SH3BGRL: variants seen among roughly 807,000 people sequenced by gnomAD.
SH3BGRL encodes adapter SH3BGRL.
In SH3BGRL, 7 loss-of-function variants were observed where a neutral mutation model predicts 9.8. The observed-to-expected ratio is 0.72, with a 90% CI of 0.41 to 1.35. The LOEUF is 1.35. Ranked by LOEUF, SH3BGRL falls within the 40% of genes most tolerant of loss-of-function variation. The pLI, the probability that SH3BGRL is intolerant of heterozygous loss-of-function variation, is 0.01. For synonymous variants in SH3BGRL, 36 were observed against 29.1 expected, an observed-to-expected ratio of 1.24 and a Z score of -0.76; for missense variants, 73 against 84.4, an observed-to-expected ratio of 0.86 and a Z score of 0.53.
At chrX:81,265,818 C>T (rs752259480) in intron 1 of SH3BGRL, among the ~76,000 whole-genome samples, 1 of 112,185 alleles carries the variant, frequency 8.9e-6, no homozygotes, top group South Asian at 3.7e-4. Context: ...AATTTACACT[C>T]CCACCAACAG....
At chrX:81,213,296 A>G (rs1487430298) in intron 1 of SH3BGRL, among the ~76,000 whole-genome samples, 1 of 112,278 alleles carries the variant, frequency 8.9e-6, no homozygotes, top group Non-Finnish European at 1.9e-5. Context: ...ACAAAGTACC[A>G]CCACTTGATG....
chrX:81,228,312 A>G (rs1052377185), intron 1 of SH3BGRL, among the ~76,000 whole-genome samples: 2 of 111,874 alleles, frequency 1.8e-5, no homozygotes, highest in Admixed American at 9.5e-5. Flanking sequence ...AGGCAGAACA[A>G]CTGGAAGCAG....
chrX:81,245,456 C>A (rs962090068), intron 1 of SH3BGRL, among the ~76,000 whole-genome samples: 5 of 111,556 alleles, frequency 4.5e-5, no homozygotes, highest in African/African-American at 9.8e-5. Flanking sequence ...AATGGTTTGG[C>A]GAGCTTGCTT....
At chrX:81,273,451 G>T (rs1276507117) in intron 1 of SH3BGRL, among the ~76,000 whole-genome samples, 4 of 112,100 alleles carry the variant, frequency 3.6e-5, no homozygotes, top group African/African-American at 9.7e-5. Context: ...TCTTTAGCTA[G>T]TTTAGAGAGT....
intron 1 of SH3BGRL, among the ~76,000 whole-genome samples, chrX:81,242,497 G>A (rs1270874212): frequency 8.9e-6 from 1 of 112,110 alleles, no homozygotes; most frequent in East Asian, 2.8e-4. Context: ...AAACTCTTTA[G>A]GATATTGGTC....
intron 1 of SH3BGRL, among the ~76,000 whole-genome samples, chrX:81,258,023 T>G (rs1389138766): frequency 2.7e-5 from 3 of 111,784 alleles, no homozygotes; most frequent in Non-Finnish European, 5.6e-5. Context: ...TACTCATGCC[T>G]GCTGTCTCAA....
At chrX:81,248,976 G>A (rs999943026) in intron 1 of SH3BGRL, among the ~76,000 whole-genome samples, 1 of 111,739 alleles carries the variant, frequency 8.9e-6, no homozygotes, top group Non-Finnish European at 1.9e-5. Context: ...CTTCTCCCAA[G>A]GATCTGGGAT....
chrX:81,232,870 T>C lies in SH3BGRL; in HGVS notation c.45+30625T>C, dbSNP rs182565927. Among the ~76,000 whole-genome samples the C allele has an allele frequency of 2.7e-3, 302 of 111,800 alleles. 2 individuals carry two copies. The highest frequency in any genetic ancestry group is 4.1e-3 in the Non-Finnish European group (217 of 52,985). On this transcript the variant is annotated intron_variant, in intron 1 of 3. Coordinates refer to ENST00000373212, the MANE Select transcript of SH3BGRL (RefSeq NM_003022.3). ...TTGGCCCTGTCAGATCATGTCTTTA[T>C]TTAAACTTTTGATATTTTATTCTTT...
chrX:81,225,442 A>G (rs377267825), intron 1 of SH3BGRL, among the ~76,000 whole-genome samples: 3 of 110,594 alleles, frequency 2.7e-5, no homozygotes, highest in Admixed American at 9.6e-5. Context: ...TCCATTGCCT[A>G]TTATTTAACT....
chrX:81,254,672 A>G (rs979595398), intron 1 of SH3BGRL, among the ~76,000 whole-genome samples: 1 of 111,503 alleles, frequency 9.0e-6, no homozygotes, highest in Non-Finnish European at 1.9e-5. Flanking sequence ...TGGACCCACC[A>G]TCAGTGACAG....
intron 1 of SH3BGRL, chrX:81,255,468 T>A (rs1057415775): frequency 1.8e-5 from 2 of 112,147 alleles, no homozygotes; most frequent in Non-Finnish European, 3.8e-5. Context: ...AGTTATATAA[T>A]GTGTACAAAG....
At chrX:81,255,435 A>T (rs2075722956) in intron 1 of SH3BGRL, 1 of 112,076 alleles carries the variant, frequency 8.9e-6, no homozygotes, top group South Asian at 3.7e-4. Flanking sequence ...AAATTCTGAG[A>T]GAATTTTCTG....
chrX:81,252,609 T>C (rs943339249), intron 1 of SH3BGRL, among the ~76,000 whole-genome samples: 2 of 111,827 alleles, frequency 1.8e-5, no homozygotes, highest in Admixed American at 9.5e-5. Flanking sequence ...CCTAATGATA[T>C]CTGATGAGCT....
chrX:81,204,584 T>C (rs2095357530), intron 1 of SH3BGRL, among the ~76,000 whole-genome samples: 1 of 110,060 alleles, frequency 9.1e-6, no homozygotes, highest in Non-Finnish European at 1.9e-5. Context: ...TTCCTACTGG[T>C]TGTCATTAAA....
At chrX:81,250,015 AG>A (rs1271037114) in intron 1 of SH3BGRL, among the ~76,000 whole-genome samples, 1 of 110,521 alleles carries the variant, frequency 9.0e-6, no homozygotes, top group African/African-American at 3.3e-5. Context: ...AATATAATGA[AG>A]GTTTTAACTT....
At chrX:81,205,502 GTGTATATATATATA>G (rs1430774662) in intron 1 of SH3BGRL, among the ~76,000 whole-genome samples, 28 of 88,954 alleles carry the variant, frequency 3.1e-4, no homozygotes, top group African/African-American at 1.0e-3. Flanking sequence ...GTGTGTGTGT[GTGTATATATATATA>G]TATATATATA....
At chrX:81,252,301 T>G (rs375673741) in intron 1 of SH3BGRL, among the ~76,000 whole-genome samples, 88 of 112,069 alleles carry the variant, frequency 7.9e-4, no homozygotes, top group African/African-American at 2.8e-3. Context: ...CTGTCAGTTA[T>G]ACCTGTTTGC....
chrX:81,233,526 G>A (rs1324413819), intron 1 of SH3BGRL, among the ~76,000 whole-genome samples: 2 of 111,346 alleles, frequency 1.8e-5, no homozygotes, highest in Admixed American at 1.9e-4. Context: ...TAACTTAGCA[G>A]AGCCAGGATC....
At chrX:81,232,063 T>C (rs2075634620) in intron 1 of SH3BGRL, among the ~76,000 whole-genome samples, 1 of 111,074 alleles carries the variant, frequency 9.0e-6, no homozygotes, top group Admixed American at 9.6e-5. Flanking sequence ...AAATTGGGGA[T>C]AATAATACTT....
Sources: allele counts gnomAD v4.1 joint callset (sites outside exome capture counted in the v4.1 genomes callset), GRCh38; gene constraint gnomAD v4.1.1; transcripts MANE v1.5; gene names NCBI Gene and HGNC (gene_info 2026-07-23, HGNC 2026-07-21).